The following B3GLCT variants were observed in gnomAD, a reference collection of about 807,000 sequenced individuals.
B3GLCT encodes beta 3-glucosyltransferase.
Under a neutral mutation model 63.4 loss-of-function variants are expected in B3GLCT, and 65 were observed. The ratio of observed to expected loss-of-function variants is 1.03; its 90% CI spans 0.84 to 1.26. The LOEUF is 1.26. Among genes scored for constraint, B3GLCT ranks in the 50% most tolerant of loss-of-function variants. The pLI is 0.00. For missense variants in B3GLCT, 577 were observed against 604.8 expected (o/e 0.95, Z 0.48); for synonymous variants, 233 against 219.2 (o/e 1.06, Z -0.55).
chr13:31,327,786 A>T (rs931087229), intron 14 of B3GLCT, among the ~76,000 whole-genome samples: 1 of 152,110 alleles, frequency 6.6e-6, no homozygotes, highest in Admixed American at 6.5e-5. Context: ...TGTCTGTCTC[A>T]CTGTTTTTTC....
rs558539280 is a variant in B3GLCT, at chr13:31,321,613, C to T, written c.1185-2138C>T. Among the ~76,000 whole-genome samples, 41 of 152,322 alleles carry T rather than the reference C, an allele frequency of 2.7e-4. 1 individual carries two copies. The South Asian group carries it at 8.5e-3, about 32-fold the overall frequency. Reference sequence around the variant, plus strand: ...TTTCTTGTTTTCTGATGGCGGGTCACAGTCCAGTAAGTTTTTGAAAACCAC... The same window carrying T: ...TTTCTTGTTTTCTGATGGCGGGTCATAGTCCAGTAAGTTTTTGAAAACCAC... On this transcript the variant is annotated intron_variant, in intron 13 of 14. Transcript: ENST00000343307.
In B3GLCT at chr13:31,329,865, G is replaced by GA; in HGVS notation, c.*202dup. The GA allele has an allele frequency of 1.6e-6, 1 of 615,742 alleles. No individual in the cohort carries two copies. The highest frequency in any genetic ancestry group is 2.8e-6 in the Non-Finnish European group (1 of 352,540). 38.1% of individuals were successfully genotyped at this position (615,742 alleles called of 1,614,324 possible). A position where few individuals can be genotyped will look rare whatever the true frequency, so the allele number is the denominator to read the frequency against. The stretch of plus-strand genomic sequence containing the variant: ...ACAGGAGAAACATTTTTTTTTCTGG[G>GA]AAAAATCACTTGCTTTTGACTTATG... On this transcript the variant is annotated 3_prime_UTR_variant, in exon 15 of 15. Coordinates refer to ENST00000343307, the MANE Select transcript of B3GLCT (RefSeq NM_194318.4).
chr13:31,225,548 T>C (rs961550287), intron 3 of B3GLCT, among the ~76,000 whole-genome samples: 5 of 152,222 alleles, frequency 3.3e-5, no homozygotes, highest in African/African-American at 4.8e-5. Flanking sequence ...TTTTCTGGAA[T>C]GGGTTGGGGC....
rs538433725 is a variant in B3GLCT at position 31,320,922 on chromosome 13, C to T, written c.1185-2829C>T. ...GCTATCACCATTTACTCTTGAATGC[C>T]TTTAGCCCAATCTAGCCTCTCAAAT... On this transcript the variant is annotated intron_variant, in intron 13 of 14. Coordinates refer to ENST00000343307, the MANE Select transcript of B3GLCT (RefSeq NM_194318.4). 2.0e-4 allele frequency among the ~76,000 whole-genome samples: 30 copies of T among 152,318 alleles called. 1 individual carries two copies. The East Asian group carries it at 5.2e-3, about 26-fold the overall frequency.
chr13:31,243,775 TC>T (rs961212642), intron 4 of B3GLCT, among the ~76,000 whole-genome samples: 2 of 152,232 alleles, frequency 1.3e-5, no homozygotes, highest in African/African-American at 4.8e-5. Context: ...GACTGAAAGT[TC>T]AGTAGGCTTC....
At chr13:31,270,977 A>G (rs1402711345) in intron 8 of B3GLCT, among the ~76,000 whole-genome samples, 1 of 152,184 alleles carries the variant, frequency 6.6e-6, no homozygotes, top group East Asian at 1.9e-4. Flanking sequence ...CATAAAATGA[A>G]TACCAGGGCC....
At chr13:31,274,420 G>T in intron 8 of B3GLCT, 89 bp from the exon 9 acceptor site, 5 of 1,533,884 alleles carry the variant, frequency 3.3e-6, no homozygotes, top group Non-Finnish European at 3.6e-6. Context: ...TGGAAGATGT[G>T]TTCTGCTTTC....
intron 1 of B3GLCT, among the ~76,000 whole-genome samples, chr13:31,205,371 A>G (rs1223579366): frequency 1.3e-5 from 2 of 151,982 alleles, no homozygotes; most frequent in Non-Finnish European, 2.9e-5. Context: ...AGCCTGGCCA[A>G]CAAGGTGAAA....
intron 6 of B3GLCT, among the ~76,000 whole-genome samples, chr13:31,250,874 C>A (rs1871394943): frequency 6.6e-6 from 1 of 152,318 alleles, no homozygotes; most frequent in Non-Finnish European, 1.5e-5. Context: ...AAGGGACAGC[C>A]TCCCTCCTGA....
intron 13 of B3GLCT, among the ~76,000 whole-genome samples, chr13:31,319,608 T>A (rs1278044236): frequency 1.3e-5 from 2 of 152,198 alleles, no homozygotes; most frequent in African/African-American, 4.8e-5. Flanking sequence ...TTTCTGTCTA[T>A]CCCTTCAATG....
intron 13 of B3GLCT, among the ~76,000 whole-genome samples, chr13:31,321,444 A>G (rs1350989057): frequency 6.6e-6 from 1 of 152,242 alleles, no homozygotes; most frequent in Admixed American, 6.5e-5. Flanking sequence ...TGAACTATTG[A>G]GTGGAATAGA....
chr13:31,240,586 C>T (rs34791086), intron 4 of B3GLCT, among the ~76,000 whole-genome samples: 26,743 of 150,810 alleles, frequency 0.18, 2,537 homozygotes, highest in Non-Finnish European at 0.2. Context: ...GATGGCCTGG[C>T]GTTTTCTAAT....
intron 12 of B3GLCT, chr13:31,311,479 A>T (rs376321635): frequency 6.6e-6 from 1 of 152,252 alleles, no homozygotes; most frequent in Non-Finnish European, 1.5e-5. Flanking sequence ...AGAGCAAGAG[A>T]TGAGTAGTTT....
rs1567585 is a variant in B3GLCT, at chr13:31,322,644, A to T, written c.1185-1107A>T. On this transcript the variant is annotated intron_variant, in intron 13 of 14. Transcript: ENST00000343307. ...ATAATTAATGTAAGACTGTGTGAGTAGGCAAAAGTATAAAATAATTACATA... is the reference window on the plus strand; with the variant it reads ...ATAATTAATGTAAGACTGTGTGAGTTGGCAAAAGTATAAAATAATTACATA... Among the ~76,000 whole-genome samples the T allele has an allele frequency of 5.5e-3, 832 of 152,324 alleles. 11 individuals are homozygous for T. Among genetic ancestry groups the T allele is most frequent in the African/African-American group, 0.019 (801 of 41,570 alleles).
At chr13:31,282,925 C>T (rs1287114887) in intron 10 of B3GLCT, 1 of 152,182 alleles carries the variant, frequency 6.6e-6, no homozygotes, top group Non-Finnish European at 1.5e-5. Context: ...ATGTCCTAGG[C>T]ACTGTGCCAG....
chr13:31,292,760 G>T (rs1445514940), intron 12 of B3GLCT, among the ~76,000 whole-genome samples: 1 of 151,016 alleles, frequency 6.6e-6, no homozygotes, highest in East Asian at 1.9e-4. Context: ...CAAAAAACCA[G>T]CTCCTGGATT....
chr13:31,208,583 T>C (rs1869092844), intron 1 of B3GLCT, among the ~76,000 whole-genome samples: 4 of 103,070 alleles, frequency 3.9e-5, no homozygotes, highest in Admixed American at 1.0e-4. Flanking sequence ...ACCCGGGTGC[T>C]CTGTCTCAGA....
chr13:31,285,744 T>C (rs866923790), intron 11 of B3GLCT, among the ~76,000 whole-genome samples: 37 of 152,180 alleles, frequency 2.4e-4, no homozygotes, highest in African/African-American at 8.2e-4. Context: ...TCTCTGTAGT[T>C]ACCAATTCTT....
chr13:31,213,586 C>G (rs1205345208), intron 1 of B3GLCT, among the ~76,000 whole-genome samples: 3 of 119,706 alleles, frequency 2.5e-5, no homozygotes, highest in Non-Finnish European at 5.1e-5. Flanking sequence ...GACCCCATCT[C>G]AAAAAACAAA....
Sources: allele counts gnomAD v4.1 joint callset (sites outside exome capture counted in the v4.1 genomes callset), GRCh38; gene constraint gnomAD v4.1.1; transcripts MANE v1.5; gene names NCBI Gene and HGNC (gene_info 2026-07-23, HGNC 2026-07-21).